The following NRXN3 variants were observed in gnomAD, a reference collection of about 807,000 sequenced individuals.
NRXN3 encodes the protein neurexin III.
In NRXN3, 32 loss-of-function variants were observed where a neutral mutation model predicts 137.6. That is an observed-to-expected ratio of 0.23 (90% CI 0.18 to 0.31). NRXN3 has a LOEUF of 0.31. Ranked by LOEUF, NRXN3 falls within the 10% of genes least tolerant of loss-of-function variation. NRXN3 has a pLI of 1.00. For synonymous variants in NRXN3, 798 were observed against 784.5 expected (o/e 1.02, Z -0.29); for missense variants, 1,574 against 2,062.5 (o/e 0.76, Z 4.59).
At chr14:79,521,738 T>C (rs1232148320) in intron 16 of NRXN3, among the ~76,000 whole-genome samples, 1 of 152,196 alleles carries the variant, frequency 6.6e-6, no homozygotes, top group African/African-American at 2.4e-5. Context: ...ATTTTCATTC[T>C]GGTCTTCAGC....
In NRXN3 at chr14:79,043,768, C is replaced by T. The variant is rs544318810; in HGVS notation, c.3262+55627C>T. ...GTTCTATCAAGTGTCAGTTAAAGGC[C>T]GTTTTTGTCTCTGATTGCATAACAG... On this transcript the variant is annotated intron_variant, in intron 15 of 20. Transcript: ENST00000335750. Among the ~76,000 whole-genome samples, 61 of 152,124 alleles carry T rather than the reference C, an allele frequency of 4.0e-4. 1 individual carries two copies. Among genetic ancestry groups the T allele is most frequent in the Non-Finnish European group, 7.1e-4 (48 of 68,012 alleles).
intron 15 of NRXN3, among the ~76,000 whole-genome samples, chr14:79,266,066 T>C (rs1159573618): frequency 2.0e-5 from 3 of 152,118 alleles, no homozygotes; most frequent in Non-Finnish European, 2.9e-5. Flanking sequence ...GTTTCTATTA[T>C]AAAAATTAAA....
intron 10 of NRXN3, among the ~76,000 whole-genome samples, chr14:78,851,404 G>C (rs904895762): frequency 1.3e-5 from 2 of 152,202 alleles, no homozygotes; most frequent in Non-Finnish European, 2.9e-5. Context: ...TCTTGGGACA[G>C]CACTGCCTGA....
intron 17 of NRXN3, among the ~76,000 whole-genome samples, chr14:79,669,520 T>A (rs976820451): frequency 2.0e-5 from 3 of 152,148 alleles, no homozygotes; most frequent in African/African-American, 7.2e-5. Context: ...CCAAGGGAAT[T>A]ATTTCCACAT....
chr14:79,856,787 C>T lies in NRXN3; in HGVS notation c.4094-4555C>T, dbSNP rs376732292. On this transcript the variant is annotated intron_variant, in intron 20 of 20. Transcript: ENST00000335750. ...GGCATGAATTATATATCTACAAATA[C>T]ACTCATAAAGCAAAAAAGCCGGGAA... Among the ~76,000 whole-genome samples, 46 of 152,178 alleles carry T rather than the reference C, an allele frequency of 3.0e-4. 1 individual carries two copies. In the South Asian group the frequency reaches 9.1e-3, roughly 30 times the overall value.
At chr14:79,037,239 G>A (rs965878586) in intron 15 of NRXN3, among the ~76,000 whole-genome samples, 2 of 152,010 alleles carry the variant, frequency 1.3e-5, no homozygotes, top group Non-Finnish European at 2.9e-5. Flanking sequence ...TGAATGCCTT[G>A]CTTTCAACCA....
Position 78,817,295 on chromosome 14 carries a change from T to G in NRXN3, c.2275+6951T>G, listed in dbSNP as rs189132301. ...TGAAATTTAGAAAGAATAAAGGGAA[T>G]GGGATCTAGCACCAAATTAAAAAGT... On this transcript the variant is annotated intron_variant, in intron 10 of 20. Coordinates refer to ENST00000335750, the MANE Select transcript of NRXN3 (RefSeq NM_001330195.2). Among the ~76,000 whole-genome samples the G allele has an allele frequency of 2.4e-4, 37 of 152,308 alleles. No individual in the cohort carries two copies. The South Asian group carries it at 3.1e-3, about 13-fold the overall frequency.
At chr14:78,832,179 CA>C (rs1162839591) in intron 10 of NRXN3, among the ~76,000 whole-genome samples, 6 of 151,604 alleles carry the variant, frequency 4.0e-5, no homozygotes, top group African/African-American at 1.5e-4. Flanking sequence ...TCTCTTGAAT[CA>C]AAAATGGTTG....
Position 79,153,526 on chromosome 14 carries a change from A to G in NRXN3, c.3262+165385A>G, listed in dbSNP as rs368852729. ...TGCTTAATATGTCAGTGAGCCCACA[A>G]GTTTCTTGTCCTGGGCCCTTTAAAC... is the stretch of plus-strand genomic sequence containing the variant. On this transcript the variant is annotated intron_variant, in intron 15 of 20. Coordinates refer to ENST00000335750, the MANE Select transcript of NRXN3 (RefSeq NM_001330195.2). Among the ~76,000 whole-genome samples, 8 of 152,020 alleles carry G rather than the reference A, an allele frequency of 5.3e-5. No homozygotes were observed. The East Asian group carries it at 9.7e-4, about 19-fold the overall frequency.
chr14:79,536,295 G>C lies in NRXN3; in HGVS notation c.3444+68893G>C, dbSNP rs1439852234. On this transcript the variant is annotated intron_variant, in intron 16 of 20. Transcript: ENST00000335750. ...ACGTGTGATCCATGATTACATCATT[G>C]CACCTTGCAAAAACTTGTTGATTTT... Among the ~76,000 whole-genome samples the C allele has an allele frequency of 3.3e-5, 5 of 152,096 alleles. No individual in the cohort carries two copies. The East Asian group carries it at 9.7e-4, about 29-fold the overall frequency.
intron 4 of NRXN3, among the ~76,000 whole-genome samples, chr14:78,463,398 C>T (rs1162071568): frequency 6.6e-6 from 1 of 151,646 alleles, no homozygotes; most frequent in Non-Finnish European, 1.5e-5. Context: ...GATTTCTTCT[C>T]CTTTGGGTAG....
chr14:79,690,427 T>G (rs1257365121), intron 17 of NRXN3, among the ~76,000 whole-genome samples: 1 of 152,072 alleles, frequency 6.6e-6, no homozygotes, highest in African/African-American at 2.4e-5. Context: ...TTTTTTTCTA[T>G]GAGAAATGAT....
At chr14:78,724,531 G>C (rs2098474343) in intron 8 of NRXN3, among the ~76,000 whole-genome samples, 1 of 146,600 alleles carries the variant, frequency 6.8e-6, no homozygotes, top group Non-Finnish European at 1.5e-5. Context: ...GGTGGGAAAT[G>C]AGTGGTCAAT....
At chr14:78,561,426 C>A (rs768847985) in intron 4 of NRXN3, among the ~76,000 whole-genome samples, 9 of 152,102 alleles carry the variant, frequency 5.9e-5, no homozygotes, top group Non-Finnish European at 1.2e-4. Flanking sequence ...ATACACTCAG[C>A]ACCATATACA....
intron 1 of NRXN3, among the ~76,000 whole-genome samples, chr14:78,217,756 G>A (rs1226462046): frequency 3.9e-5 from 6 of 152,292 alleles, no homozygotes; most frequent in Admixed American, 3.9e-4. Flanking sequence ...CCACCTCCTA[G>A]GTTCAAGCGA....
At chr14:78,374,302 G>T (rs1404662302) in intron 4 of NRXN3, among the ~76,000 whole-genome samples, 1 of 152,138 alleles carries the variant, frequency 6.6e-6, no homozygotes, top group Non-Finnish European at 1.5e-5. Context: ...AAGTTTTATG[G>T]TTGTTTATTA....
chr14:79,732,232 T>A (rs1352930933), intron 19 of NRXN3, among the ~76,000 whole-genome samples: 2 of 152,204 alleles, frequency 1.3e-5, no homozygotes, highest in African/African-American at 4.8e-5. Context: ...TACCATGTTC[T>A]CAGGATCCCA....
At chr14:79,525,793 G>C (rs906292393) in intron 16 of NRXN3, among the ~76,000 whole-genome samples, 2 of 152,226 alleles carry the variant, frequency 1.3e-5, no homozygotes, top group Non-Finnish European at 2.9e-5. Flanking sequence ...CATAATGCTA[G>C]CAAGAGGTGC....
rs181884912 is a variant in NRXN3 at position 78,782,071 on chromosome 14, G to A, written c.2045-21549G>A. ...CTGGGCTTGCGTACTCAGCTTGCCC[G>A]CTCTTCTGGGCTTCCCCGGGGGTCT... On this transcript the variant is annotated intron_variant, in intron 8 of 20. Transcript: ENST00000335750. Among the ~76,000 whole-genome samples the A allele has an allele frequency of 9.2e-5, 14 of 152,244 alleles. No individual in the cohort carries two copies. The East Asian group carries it at 2.3e-3, about 25-fold the overall frequency.
Sources: allele counts gnomAD v4.1 joint callset (sites outside exome capture counted in the v4.1 genomes callset), GRCh38; gene constraint gnomAD v4.1.1; transcripts MANE v1.5; gene names NCBI Gene and HGNC (gene_info 2026-07-23, HGNC 2026-07-21).